Variants in FRMPD1 observed in about 807,000 individuals in gnomAD.
FRMPD1 encodes the protein FERM and PDZ domain containing 1.
A neutral mutation model predicts 117.8 loss-of-function variants in FRMPD1; 76 were observed. The observed-to-expected ratio is 0.65, with a 90% CI of 0.54 to 0.78. The LOEUF is 0.78. Among genes scored for constraint, FRMPD1 ranks in the 30% least tolerant of loss-of-function variants. The pLI is 0.00. For missense variants in FRMPD1, 1,786 were observed against 1,964.5 expected, an observed-to-expected ratio of 0.91 and a Z score of 1.72; for synonymous variants, 783 against 770.4, an observed-to-expected ratio of 1.02 and a Z score of -0.27.
the FRMPD1 span, among the ~76,000 whole-genome samples, chr9:37,611,715 A>G: frequency 2.0e-5 from 3 of 152,208 alleles, no homozygotes; most frequent in Non-Finnish European, 4.4e-5. Context: ...GTAAACCTGT[A>G]TGCATAGCTT....
At chr9:37,743,800 A>C (rs768727790) in intron 15 of FRMPD1, among the ~76,000 whole-genome samples, 10 of 151,458 alleles carry the variant, frequency 6.6e-5, no homozygotes, top group Non-Finnish European at 8.8e-5. Context: ...TGGGAGGCTG[A>C]GGTGGGAGGA....
intron 1 of FRMPD1, among the ~76,000 whole-genome samples, chr9:37,659,035 AT>A (rs1820921095): frequency 6.6e-6 from 1 of 151,914 alleles, no homozygotes; most frequent in African/African-American, 2.4e-5. Context: ...TAATTTTTAA[AT>A]TTTATTTTTA....
At chr9:37,701,877 G>T (rs1191633876) in intron 2 of FRMPD1, among the ~76,000 whole-genome samples, 1 of 152,118 alleles carries the variant, frequency 6.6e-6, no homozygotes, top group Non-Finnish European at 1.5e-5. Flanking sequence ...CTGGTGATGG[G>T]GCCTGAAACA....
At chr9:37,739,265 T>G (rs1017343962) in intron 14 of FRMPD1, among the ~76,000 whole-genome samples, 2 of 152,074 alleles carry the variant, frequency 1.3e-5, no homozygotes, top group Non-Finnish European at 2.9e-5. Flanking sequence ...ATGGCCATCC[T>G]GTGAGAAGGG....
chr9:37,722,148 T>C (rs1823424922), intron 6 of FRMPD1, among the ~76,000 whole-genome samples: 1 of 152,164 alleles, frequency 6.6e-6, no homozygotes, highest in East Asian at 1.9e-4. Context: ...CTCATCCTGA[T>C]GTAGTGTGAA....
At chr9:37,739,958 C>A in intron 14 of FRMPD1, 120 bp from the exon 15 acceptor site, 2 of 752,500 alleles carry the variant, frequency 2.7e-6, no homozygotes, top group Non-Finnish European at 4.5e-6. Flanking sequence ...GGTCTTAGGC[C>A]AGCCACCCTC....
the FRMPD1 span, chr9:37,637,350 C>T: frequency 2.4e-6 from 2 of 825,052 alleles, no homozygotes; most frequent in South Asian, 2.8e-5. Context: ...GCCTCCCGTT[C>T]CAAGATGGTG....
rs200808359 is a variant in FRMPD1, at chr9:37,692,742, G to C, written c.101G>C (p.Arg34Pro). Residue 34 changes from arginine to proline, a missense_variant and splice_region_variant, in exon 2 of 16, where the codon CGG (arginine) becomes CCG (proline). Coordinates refer to ENST00000377765, the MANE Select transcript of FRMPD1 (RefSeq NM_014907.3). ...WLRRSRDSSARAKVAAADGPA... is the reference protein window; with the variant it reads ...WLRRSRDSSAPAKVAAADGPA... The stretch of plus-strand genomic sequence containing the variant: ...CGGCGCTCCCGGGACAGCTCGGCCC[G>C]GTAAGCCTCCTGAGTTTGCAGATTT... 7 of 1,607,730 alleles carry C rather than the reference G, an allele frequency of 4.4e-6. No individual in the cohort carries two copies. The African/African-American group carries it at 8.0e-5, about 18-fold the overall frequency.
the FRMPD1 span, among the ~76,000 whole-genome samples, chr9:37,635,088 T>C: frequency 6.6e-6 from 1 of 152,218 alleles, no homozygotes; most frequent in Non-Finnish European, 1.5e-5. Flanking sequence ...GACTCATTCT[T>C]ACTCTTCAGA....
chr9:37,706,239 C>T (rs1822701887), intron 2 of FRMPD1, among the ~76,000 whole-genome samples: 1 of 152,036 alleles, frequency 6.6e-6, no homozygotes, highest in South Asian at 2.1e-4. Flanking sequence ...ATAGTGTACA[C>T]GAGACTTTGG....
the FRMPD1 span, among the ~76,000 whole-genome samples, chr9:37,613,914 C>G: frequency 3.3e-5 from 5 of 151,966 alleles, no homozygotes; most frequent in South Asian, 1.0e-3. Context: ...TCAATCTTAT[C>G]CACACTTGCC....
rs1822786579 is a variant in FRMPD1, at chr9:37,708,319, C to G, written c.260-80C>G. 3 of 814,652 alleles carry G rather than the reference C, an allele frequency of 3.7e-6. No homozygotes were observed. The East Asian group carries it at 7.4e-5, about 20-fold the overall frequency. 50.5% of individuals were successfully genotyped at this position (814,652 alleles called of 1,614,324 possible). The stretch of plus-strand genomic sequence containing the variant: ...TGCCCCTGGGAACTGGATCAGGGTG[C>G]CATTTAACTGTGCCGCTATTACACA... On this transcript the variant is annotated intron_variant, in intron 3 of 15. Coordinates refer to ENST00000377765, the MANE Select transcript of FRMPD1 (RefSeq NM_014907.3).
At chr9:37,667,266 A>G (rs62533863) in intron 1 of FRMPD1, among the ~76,000 whole-genome samples, 6,323 of 150,564 alleles carry the variant, frequency 0.042, 192 homozygotes, top group Non-Finnish European at 0.058. Context: ...GGGTCTCACC[A>G]TGTTGGCCAG....
At chr9:37,699,829 ACATACATG>A (rs1323602984) in intron 2 of FRMPD1, among the ~76,000 whole-genome samples, 1 of 152,214 alleles carries the variant, frequency 6.6e-6, no homozygotes, top group African/African-American at 2.4e-5. Flanking sequence ...GACACAAGGC[ACATACATG>A]CATACATGTG....
At chr9:37,691,540 ATATGGGAACCC>A (rs979442332) in intron 1 of FRMPD1, among the ~76,000 whole-genome samples, 3 of 152,268 alleles carry the variant, frequency 2.0e-5, no homozygotes, top group Non-Finnish European at 4.4e-5. Flanking sequence ...GAATGAAGGG[ATATGGGAACCC>A]TATATTATCT....
At chr9:37,716,007 C>T (rs1333827298) in intron 5 of FRMPD1, among the ~76,000 whole-genome samples, 5 of 152,200 alleles carry the variant, frequency 3.3e-5, no homozygotes, top group African/African-American at 1.2e-4. Flanking sequence ...TGAATTTTCA[C>T]TTCTCTGAGA....
chr9:37,606,362 G>T, the FRMPD1 span, among the ~76,000 whole-genome samples: 1 of 152,228 alleles, frequency 6.6e-6, no homozygotes, highest in African/African-American at 2.4e-5. Context: ...ATTTGGTGAT[G>T]AAAGTGATGT....
chr9:37,738,328 T>A (rs371664097), intron 14 of FRMPD1, among the ~76,000 whole-genome samples: 27,986 of 152,062 alleles, frequency 0.18, 2,753 homozygotes, highest in Admixed American at 0.22. Context: ...TTGGAGTATC[T>A]GTTACCTTTG....
chr9:37,649,748 A>C (rs545004993), upstream of FRMPD1, among the ~76,000 whole-genome samples: 3 of 152,220 alleles, frequency 2.0e-5, no homozygotes, highest in East Asian at 5.8e-4. Flanking sequence ...CCCTACTCAG[A>C]ACTCCTCCCA....
Sources: gnomAD v4.1 joint callset for allele counts (sites outside exome capture counted in the v4.1 genomes callset) on GRCh38, gnomAD v4.1.1 for gene constraint, MANE v1.5 for transcripts, NCBI Gene and HGNC (gene_info 2026-07-23, HGNC 2026-07-21) for gene names.